PLXNA1: variants seen among roughly 807,000 people sequenced by gnomAD.
The protein encoded by PLXNA1 is plexin-A1.
Under a neutral mutation model 191.7 loss-of-function variants are expected in PLXNA1, and 77 were observed. The ratio of observed to expected loss-of-function variants is 0.40; its 90% confidence interval spans 0.33 to 0.49. The LOEUF (loss-of-function observed/expected upper bound fraction) is 0.49. PLXNA1 is among the 20% of genes least tolerant of loss of function. The probability of loss-of-function intolerance (pLI) is 0.63; values close to 1 mark genes in which losing one functional copy is unlikely to be tolerated. For missense variants in PLXNA1, 2,110 were observed against 2,660.2 expected (o/e 0.79, Z 4.55); for synonymous variants, 1,137 against 1,156.4 (o/e 0.98, Z 0.34).
chr3:127,006,932 C>T (rs376578584), intron 8 of PLXNA1, among the ~76,000 whole-genome samples: 3 of 152,204 alleles, frequency 2.0e-5, no homozygotes, highest in African/African-American at 7.2e-5. Context: ...AGGGTTTGGC[C>T]TCAGAGACAG....
chr3:127,028,403 C>T, intron 25 of PLXNA1, 63 bp downstream of exon 25: 2 of 1,530,226 alleles, frequency 1.3e-6, no homozygotes, highest in Non-Finnish European at 1.7e-6. Flanking sequence ...GGGCCATGGC[C>T]TAGTACTGAG....
chr3:126,983,404 C>G (rs1293987714), intron 1 of PLXNA1, among the ~76,000 whole-genome samples, 117 bp downstream of exon 1: 1 of 145,968 alleles, frequency 6.9e-6, no homozygotes, highest in Admixed American at 6.8e-5. Context: ...GGCGGCGGCC[C>G]TCTCGTGAGG....
Position 127,034,135 on chromosome 3 carries a change from G to A in PLXNA1, c.*118G>A, listed in dbSNP as rs2079227586. 1.2e-5 allele frequency: 11 copies of A among 917,894 alleles called. No homozygotes were observed. The highest frequency in any genetic ancestry group is 5.1e-5 in the Admixed American group (2 of 39,072). The allele number at this position is 917,894 out of a possible 1,614,324, so 56.9% of individuals were successfully genotyped here. On this transcript the variant is annotated 3_prime_UTR_variant, in exon 32 of 32. Coordinates refer to ENST00000393409, the MANE Select transcript of PLXNA1 (RefSeq NM_032242.4). ...GGTGCTCGGGCCGCCGCAGTGCAGCGACTGCCCGGCCCTCCCTCCCCTGCC... is the reference window on the plus strand; with the variant it reads ...GGTGCTCGGGCCGCCGCAGTGCAGCAACTGCCCGGCCCTCCCTCCCCTGCC...
At chr3:127,010,793 A>G (rs1471164452) in intron 9 of PLXNA1, among the ~76,000 whole-genome samples, 3 of 152,178 alleles carry the variant, frequency 2.0e-5, no homozygotes, top group Admixed American at 6.5e-5. Flanking sequence ...ACGGGCACCA[A>G]CAAAGCCCGT....
intron 9 of PLXNA1, among the ~76,000 whole-genome samples, chr3:127,009,549 G>T: frequency 6.7e-6 from 1 of 149,508 alleles, no homozygotes; most frequent in African/African-American, 2.4e-5. Flanking sequence ...GCCAGTGGCA[G>T]TCCCCCCCCA....
intron 15 of PLXNA1, among the ~76,000 whole-genome samples, chr3:127,015,565 T>C (rs1197786084): frequency 2.0e-5 from 3 of 152,198 alleles, no homozygotes; most frequent in Non-Finnish European, 2.9e-5. Context: ...CCCTGGTTCT[T>C]CCCTGTGGGG....
intron 3 of PLXNA1, among the ~76,000 whole-genome samples, chr3:126,998,827 C>T (rs1341034901): frequency 3.3e-5 from 5 of 152,184 alleles, no homozygotes; most frequent in African/African-American, 1.2e-4. Flanking sequence ...TCCCTGTGTG[C>T]TGGGGGTTGG....
chr3:127,028,756 G>A, intron 25 of PLXNA1: 1 of 572,650 alleles, frequency 1.7e-6, no homozygotes, highest in East Asian at 2.9e-5. Context: ...GGGCCCTAAG[G>A]CTTGCGGAAG....
chr3:127,022,076 C>G lies in PLXNA1; in HGVS notation c.4039-9C>G, dbSNP rs199997991. On this transcript the variant is annotated splice_polypyrimidine_tract_variant and intron_variant, in intron 21 of 31. Transcript: ENST00000393409. ...TTCTCTGTGGTCTGAGCTCTGTGTG[C>G]TCCCTCAGGTGCAGGCCAATGTGGA... 6.2e-7 allele frequency: 1 copy of G among 1,608,514 alleles called. No individual in the cohort carries two copies. The highest frequency in any genetic ancestry group is 2.2e-5 in the East Asian group (1 of 44,774).
At position 127,017,535 on chromosome 3, in the gene PLXNA1, C is replaced by T. The variant is rs767730475; in HGVS notation, c.3387C>T (p.Val1129=). 3.1e-6 allele frequency: 5 copies of T among 1,613,742 alleles called. No homozygotes were observed. In the South Asian group the frequency reaches 4.4e-5, roughly 14 times the overall value. The change falls in exon 18 of 32, where the codon GTC becomes GTT. Residue 1129 remains valine, a synonymous_variant. Coordinates refer to ENST00000393409, the MANE Select transcript of PLXNA1 (RefSeq NM_032242.4). ...LGERPDELGF[V]MDNVRSLLVL... The stretch of plus-strand genomic sequence containing the variant: ...AGCGGCCGGATGAGCTGGGCTTCGT[C>T]ATGGACAACGTGCGCTCCCTGCTTG...
rs576911060 is a variant in PLXNA1, at chr3:126,987,288, G to A, written c.-73-1233G>A. ...GCTGCCAGTTGCTAGGCAGGGTGTG[G>A]TGAGACTTTTCCAGAGGCAGTGGAG... On this transcript the variant is annotated intron_variant, in intron 1 of 31. Transcript: ENST00000393409. Among the ~76,000 whole-genome samples, 4 of 152,358 alleles carry A rather than the reference G, an allele frequency of 2.6e-5. No homozygotes were observed. In the South Asian group the frequency reaches 8.3e-4, roughly 32 times the overall value.
intron 3 of PLXNA1, among the ~76,000 whole-genome samples, chr3:126,991,868 C>A (rs2078992484): frequency 6.6e-6 from 1 of 152,006 alleles, no homozygotes. Context: ...GGGCACTTGA[C>A]CTCCTGGGGA....
At position 127,014,775 on chromosome 3, in the gene PLXNA1, G is replaced by T. The variant is rs1280285838; in HGVS notation, c.2821G>T (p.Val941Leu). ...CCATGACGCCCTGGTGGAGGTGTGT[G>T]TGCGGGACTGCTCACCACACTACCG... Reference protein sequence around the residue: ...RAHDALVEVCVRDCSPHYRAL... With the variant: ...RAHDALVEVCLRDCSPHYRAL... Residue 941 changes from valine to leucine, a missense_variant, in exon 14 of 32, where the codon GTG (valine) becomes TTG (leucine). By Grantham distance (32) the Val-to-Leu change is conservative. Transcript: ENST00000393409. The T allele has an allele frequency of 6.2e-6, 10 of 1,612,718 alleles. No individual in the cohort carries two copies. Among genetic ancestry groups the T allele is most frequent in the Admixed American group, 1.7e-5 (1 of 59,998 alleles).
chr3:127,029,777 G>T lies in PLXNA1; in HGVS notation c.4871-97G>T. On this transcript the variant is annotated intron_variant, in intron 27 of 31. Transcript: ENST00000393409. ...TCGGCTGCCCCAAAATCCCACATGG[G>T]TGGGGGTGCCATCCCCAGCTTTCAG... The T allele has an allele frequency of 2.2e-6, 3 of 1,377,122 alleles. No individual in the cohort carries two copies. In the Admixed American group the frequency reaches 7.1e-5, roughly 33 times the overall value. 85.3% of individuals were successfully genotyped at this position (1,377,122 alleles called of 1,614,324 possible).
In PLXNA1 at chr3:127,015,089, CTGTCTGTGGGGGTA is replaced by C. The variant is rs1226738445; in HGVS notation, c.2878-94_2878-81del. The C allele has an allele frequency of 2.0e-6, 3 of 1,504,626 alleles. No homozygotes were observed. In the Middle Eastern group the frequency reaches 5.4e-4, roughly 270 times the overall value. 93.2% of individuals were successfully genotyped at this position (1,504,626 alleles called of 1,614,324 possible). ...GCATGCGGGCTCCTAGTCTGGGGAA[CTGTCTGTGGGGGTA>C]AGCAGGCCAAGTGGGGCCTGTCCCC... On this transcript the variant is annotated intron_variant, in intron 14 of 31. Transcript: ENST00000393409.
intron 15 of PLXNA1, among the ~76,000 whole-genome samples, chr3:127,015,909 A>G (rs1559961903): frequency 6.6e-6 from 1 of 152,120 alleles, no homozygotes; most frequent in Non-Finnish European, 1.5e-5. Flanking sequence ...GTCTCCTCAC[A>G]GCCCCCTGGG....
chr3:127,004,599 C>A lies in PLXNA1; in HGVS notation c.1519-12C>A. 6.4e-7 allele frequency: 1 copy of A among 1,553,854 alleles called. No homozygotes were observed. The highest frequency in any genetic ancestry group is 8.7e-7 in the Non-Finnish European group (1 of 1,146,718). On this transcript the variant is annotated splice_polypyrimidine_tract_variant and intron_variant, in intron 4 of 31. Coordinates refer to ENST00000393409, the MANE Select transcript of PLXNA1 (RefSeq NM_032242.4). ...GTGGTACTGGAGGGGCCTGACACCT[C>A]CCCCACACCAGGTGACGCGGGTGCC...
rs770431584 is a variant in PLXNA1 at position 127,017,645 on chromosome 3, G to A, written c.3497G>A (p.Ser1166Asn). ...SPTGLLELKP[S>N]SPLILKGRNL... ...ACTGGCCTGCTGGAGCTGAAGCCCA[G>A]CTCCCCACTCATCCTCAAGGTGGGT... Residue 1166 changes from serine (S) to asparagine (N), a missense_variant, in exon 18 of 32, where the codon AGC (serine) becomes AAC (asparagine). This residue lies in a region of PLXNA1 where 644 missense variants were observed against 714.3 expected (regional missense o/e 0.90). Transcript: ENST00000393409. The A allele has an allele frequency of 6.8e-6, 11 of 1,613,374 alleles. 1 individual carries two copies. In the South Asian group the frequency reaches 1.1e-4, roughly 16 times the overall value.
At chr3:126,983,963 G>T (rs1259946008) in intron 1 of PLXNA1, among the ~76,000 whole-genome samples, 1 of 152,168 alleles carries the variant, frequency 6.6e-6, no homozygotes, top group Non-Finnish European at 1.5e-5. Context: ...GGGGAGGTGG[G>T]CTCTGGGTGC....
Sources: gnomAD v4.1 joint callset for allele counts (sites outside exome capture counted in the v4.1 genomes callset) on GRCh38, gnomAD v4.1.1 for gene constraint, gnomAD v4.1.1 regional missense constraint, MANE v1.5 for transcripts, NCBI Gene and HGNC (gene_info 2026-07-23, HGNC 2026-07-21) for gene names.